EPB41L4B: variants seen among roughly 807,000 people sequenced by gnomAD.
EPB41L4B encodes band 4.1-like protein 4B.
A neutral mutation model predicts 112.5 loss-of-function variants in EPB41L4B; 30 were observed. That is an observed-to-expected ratio of 0.27 (90% CI 0.20 to 0.36). The LOEUF is 0.36. Among genes scored for constraint, EPB41L4B ranks in the 10% least tolerant of loss-of-function variants. EPB41L4B has a pLI of 1.00. For synonymous variants in EPB41L4B, 408 were observed against 439.7 expected, an observed-to-expected ratio of 0.93 and a Z score of 0.90; for missense variants, 1,024 against 1,133.3, an observed-to-expected ratio of 0.90 and a Z score of 1.38.
intron 25 of EPB41L4B, among the ~76,000 whole-genome samples, chr9:109,175,468 A>AACACACACACACAC (rs59210551): frequency 0.011 from 1,377 of 129,362 alleles, 22 homozygotes; most frequent in East Asian, 0.036. Flanking sequence ...CCACTGTTTA[A>AACACACACACACAC]ACACACACAC....
chr9:109,264,450 CA>C (rs902862183), intron 5 of EPB41L4B, among the ~76,000 whole-genome samples: 3 of 152,164 alleles, frequency 2.0e-5, no homozygotes, highest in African/African-American at 4.8e-5. Flanking sequence ...CGAAATCAAC[CA>C]CTTCAGTGCC....
intron 15 of EPB41L4B, among the ~76,000 whole-genome samples, 180 bp downstream of exon 15, chr9:109,243,438 T>TA (rs1834425633): frequency 6.6e-6 from 1 of 152,216 alleles, no homozygotes; most frequent in Admixed American, 6.5e-5. Flanking sequence ...ATACCTTTGA[T>TA]ACATCCACAC....
intron 17 of EPB41L4B, among the ~76,000 whole-genome samples, chr9:109,209,428 G>A (rs950004504): frequency 1.3e-5 from 2 of 151,824 alleles, no homozygotes; most frequent in Non-Finnish European, 2.9e-5. Context: ...TGGGAGGCCG[G>A]GGCGGGTGGA....
intron 17 of EPB41L4B, among the ~76,000 whole-genome samples, chr9:109,209,646 C>CACA (rs1833094990): frequency 1.5e-5 from 2 of 134,626 alleles, no homozygotes; most frequent in Admixed American, 7.3e-5. Context: ...AACCCTGTCT[C>CACA]AAAAAAAAAA....
Position 109,256,377 on chromosome 9 carries a change from C to T in EPB41L4B, c.840+16G>A, listed in dbSNP as rs377487798. On this transcript the variant is annotated intron_variant, in intron 8 of 25. Coordinates refer to ENST00000374566, the MANE Select transcript of EPB41L4B (RefSeq NM_019114.5). ...TAACAGCAAAACCAAATTACTTAAA[C>T]GCACACAGTTCTTACCCTGACAACG... is the stretch of plus-strand genomic sequence containing the variant. 4.0e-5 allele frequency: 64 copies of T among 1,611,552 alleles called. 2 individuals carry two copies. The African/African-American group carries it at 4.4e-4, about 11-fold the overall frequency.
At chr9:109,298,313 C>CTT (rs68012872) in intron 1 of EPB41L4B, among the ~76,000 whole-genome samples, 35,637 of 142,680 alleles carry the variant, frequency 0.25, 4,357 homozygotes, top group Non-Finnish European at 0.28. Context: ...ATCATATATG[C>CTT]TTTTTTTTTT....
chr9:109,297,344 T>C (rs2119203252), intron 1 of EPB41L4B, among the ~76,000 whole-genome samples: 1 of 152,296 alleles, frequency 6.6e-6, no homozygotes, highest in Non-Finnish European at 1.5e-5. Flanking sequence ...GGTACTTTGT[T>C]ACAGCAGTCC....
intron 20 of EPB41L4B, among the ~76,000 whole-genome samples, chr9:109,195,806 C>G (rs1832621508): frequency 6.6e-6 from 1 of 152,160 alleles, no homozygotes; most frequent in South Asian, 2.1e-4. Context: ...AGGGAGTCAA[C>G]TGACACTGCC....
chr9:109,185,507 A>C lies in EPB41L4B; in HGVS notation c.2400T>G (p.Pro800=). 1 of 1,613,708 alleles carries C rather than the reference A, an allele frequency of 6.2e-7. No individual in the cohort carries two copies. Among genetic ancestry groups the C allele is most frequent in the South Asian group, 1.1e-5 (1 of 91,056 alleles). Reference sequence around the variant, plus strand: ...TACCTACCAGCCTCGTTTTGATTGGAGGGTACATGCAAACTCCAGTGGTCT... The same window carrying C: ...TACCTACCAGCCTCGTTTTGATTGGCGGGTACATGCAAACTCCAGTGGTCT... ...KEETTGVCMY[P]PIKTRLIKTF... is the part of the protein sequence containing the mutation. The change falls in exon 23 of 26, where the codon CCT becomes CCG. Residue 800 remains proline, a synonymous_variant. Transcript: ENST00000374566.
chr9:109,277,373 C>G (rs1281801379), intron 2 of EPB41L4B, among the ~76,000 whole-genome samples: 1 of 146,150 alleles, frequency 6.8e-6, no homozygotes, highest in African/African-American at 2.5e-5. Context: ...GAAGAAAATT[C>G]AAGGAATTTT....
chr9:109,242,120 G>A (rs1834372665), intron 15 of EPB41L4B, among the ~76,000 whole-genome samples: 1 of 152,220 alleles, frequency 6.6e-6, no homozygotes, highest in South Asian at 2.1e-4. Context: ...TTACTACAGG[G>A]CTGCTTGGAG....
chr9:109,175,268 C>T (rs914671740), intron 25 of EPB41L4B, among the ~76,000 whole-genome samples: 6 of 151,948 alleles, frequency 3.9e-5, no homozygotes, highest in Non-Finnish European at 7.4e-5. Context: ...TTATTTAAAT[C>T]ATGCTTTAAA....
intron 1 of EPB41L4B, among the ~76,000 whole-genome samples, chr9:109,319,218 C>T (rs1340631793): frequency 6.6e-6 from 1 of 152,184 alleles, no homozygotes; most frequent in Admixed American, 6.5e-5. Context: ...GCCAGGAAGA[C>T]TCACTGGTAA....
chr9:109,186,199 CTTTT>C (rs374188259), intron 22 of EPB41L4B, among the ~76,000 whole-genome samples: 1 of 145,408 alleles, frequency 6.9e-6, no homozygotes, highest in Non-Finnish European at 1.5e-5. Flanking sequence ...TTTCATTTCC[CTTTT>C]TTTTTTTTGA....
chr9:109,190,439 T>C (rs904371768), intron 22 of EPB41L4B, among the ~76,000 whole-genome samples: 1 of 152,216 alleles, frequency 6.6e-6, no homozygotes, highest in African/African-American at 2.4e-5. Flanking sequence ...GGCACAGGGC[T>C]GGTGGCAAAA....
intron 20 of EPB41L4B, among the ~76,000 whole-genome samples, chr9:109,198,685 A>C (rs930330610): frequency 5.9e-5 from 9 of 152,128 alleles, no homozygotes; most frequent in African/African-American, 2.2e-4. Flanking sequence ...GGTGGGGTGG[A>C]TCACTTGAGG....
intron 1 of EPB41L4B, among the ~76,000 whole-genome samples, chr9:109,295,266 C>A (rs1025094502): frequency 6.6e-6 from 1 of 152,152 alleles, no homozygotes; most frequent in Non-Finnish European, 1.5e-5. Flanking sequence ...AAGCTAAGTT[C>A]TTAGCTTTGA....
chr9:109,258,073 T>C (rs1835051120), intron 7 of EPB41L4B, 104 bp downstream of exon 7: 3 of 1,285,476 alleles, frequency 2.3e-6, no homozygotes, highest in Non-Finnish European at 3.2e-6. Context: ...TGCAGTTTTA[T>C]GGCCATCAAC....
intron 17 of EPB41L4B, among the ~76,000 whole-genome samples, chr9:109,212,661 G>C (rs1833224297): frequency 6.6e-6 from 1 of 152,242 alleles, no homozygotes; most frequent in African/African-American, 2.4e-5. Flanking sequence ...CTCTCATAAA[G>C]GGACAAAGCT....
Sources: gnomAD v4.1 joint callset for allele counts (sites outside exome capture counted in the v4.1 genomes callset) on GRCh38, gnomAD v4.1.1 for gene constraint, MANE v1.5 for transcripts, NCBI Gene and HGNC (gene_info 2026-07-23, HGNC 2026-07-21) for gene names.